HACE1: variants seen among roughly 807,000 people sequenced by gnomAD.
The protein encoded by HACE1 is HECT domain and ankyrin repeat containing E3 ubiquitin protein ligase 1, also known as E3 ubiquitin-protein ligase HACE1.
In HACE1, 73 loss-of-function variants were observed where a neutral mutation model predicts 118.4. The ratio of observed to expected loss-of-function variants is 0.62; its 90% confidence interval spans 0.51 to 0.75. The LOEUF (loss-of-function observed/expected upper bound fraction) is 0.75, where lower values mean the gene tolerates loss of function less well. Among genes scored for constraint, HACE1 ranks in the 30% least tolerant of loss-of-function variants. HACE1 has a pLI of 0.00. For missense variants in HACE1, 749 were observed against 1,102.2 expected, an observed-to-expected ratio of 0.68 and a Z score of 4.54; for synonymous variants, 368 against 374.8, an observed-to-expected ratio of 0.98 and a Z score of 0.21.
chr6:104,739,277 G>A (rs1268181528), intron 22 of HACE1, among the ~76,000 whole-genome samples: 1 of 152,070 alleles, frequency 6.6e-6, no homozygotes, highest in African/African-American at 2.4e-5. Context: ...AAAATAACCA[G>A]CTAACATCAT....
chr6:104,801,110 GAT>G, intron 7 of HACE1, among the ~76,000 whole-genome samples: 1 of 152,208 alleles, frequency 6.6e-6, no homozygotes, highest in Non-Finnish European at 1.5e-5. Flanking sequence ...TGGAAGAAAG[GAT>G]ATCAGTGATT....
intron 19 of HACE1, among the ~76,000 whole-genome samples, chr6:104,770,476 T>C (rs1304783767): frequency 6.6e-6 from 1 of 152,162 alleles, no homozygotes; most frequent in Non-Finnish European, 1.5e-5. Context: ...CCCAGCACTT[T>C]GGGAGGCCGA....
intron 19 of HACE1, among the ~76,000 whole-genome samples, chr6:104,760,215 T>C (rs1272634386): frequency 6.6e-6 from 1 of 152,216 alleles, no homozygotes; most frequent in Non-Finnish European, 1.5e-5. Flanking sequence ...AACATCATCC[T>C]GATACCAAAG....
chr6:104,818,363 G>A lies in HACE1; in HGVS notation c.535-6970C>T, dbSNP rs73513936. 7.8e-3 allele frequency among the ~76,000 whole-genome samples: 1,193 copies of A among 152,044 alleles called. 13 individuals are homozygous for A. Among genetic ancestry groups the A allele is most frequent in the African/African-American group, 0.027 (1,121 of 41,478 alleles). On this transcript the variant is annotated intron_variant, in intron 6 of 23. Transcript: ENST00000262903. ...TAGGAATGAGATGGAAAGTAGCAAC[G>A]GTGTTCACTACTGTTATAGAAATTA...
intron 5 of HACE1, among the ~76,000 whole-genome samples, chr6:104,834,733 A>T (rs540132935): frequency 6.6e-6 from 1 of 152,368 alleles, no homozygotes; most frequent in African/African-American, 2.4e-5. Flanking sequence ...ATGCTACACC[A>T]GTATTAGAGA....
chr6:104,749,397 T>C (rs1777797087), intron 20 of HACE1, among the ~76,000 whole-genome samples: 3 of 152,132 alleles, frequency 2.0e-5, no homozygotes, highest in Admixed American at 1.3e-4. Context: ...CACAATGGAC[T>C]TCAAAATTAA....
Position 104,767,892 on chromosome 6 carries a change from C to T in HACE1, c.2211+3301G>A, listed in dbSNP as rs546583365. The stretch of plus-strand genomic sequence containing the variant: ...ATTCCCTGATACCTGCCCCATCTTA[C>T]TCTTATCTTCTTTTTTTTCTCCAAG... On this transcript the variant is annotated intron_variant, in intron 19 of 23. Transcript: ENST00000262903. Among the ~76,000 whole-genome samples, 8 of 152,226 alleles carry T rather than the reference C, an allele frequency of 5.3e-5. No homozygotes were observed. The South Asian group carries it at 1.2e-3, about 24-fold the overall frequency.
intron 23 of HACE1, 107 bp downstream of exon 23, chr6:104,730,196 G>C: frequency 1.4e-6 from 1 of 721,358 alleles, no homozygotes; most frequent in African/African-American, 1.7e-5. Flanking sequence ...CCTGGAGAGA[G>C]ATCACAGCTG....
chr6:104,821,318 G>T (rs1166805690), intron 6 of HACE1, among the ~76,000 whole-genome samples: 1 of 151,916 alleles, frequency 6.6e-6, no homozygotes, highest in Non-Finnish European at 1.5e-5. Flanking sequence ...ACCTGTATTT[G>T]TACCCCTGAA....
At chr6:104,755,314 C>A (rs1330054177) in intron 19 of HACE1, among the ~76,000 whole-genome samples, 3 of 152,112 alleles carry the variant, frequency 2.0e-5, no homozygotes, top group Non-Finnish European at 2.9e-5. Context: ...GACTGAGACT[C>A]CCACACAATA....
At chr6:104,858,565 A>C (rs1419250317) in intron 1 of HACE1, 2 of 335,824 alleles carry the variant, frequency 6.0e-6, no homozygotes, top group Non-Finnish European at 1.2e-5. Context: ...TTATCGCCAA[A>C]GTACCCAATC....
At chr6:104,760,046 G>A (rs937821809) in intron 19 of HACE1, among the ~76,000 whole-genome samples, 3 of 152,136 alleles carry the variant, frequency 2.0e-5, no homozygotes, top group African/African-American at 7.2e-5. Flanking sequence ...CTGAAATTGA[G>A]GCAATAATTA....
At chr6:104,786,883 T>G (rs1482668509) in intron 11 of HACE1, 4 of 152,054 alleles carry the variant, frequency 2.6e-5, no homozygotes, top group Non-Finnish European at 5.9e-5. Flanking sequence ...AGGAAAGAAA[T>G]AATCTTTCTT....
rs1309339871 is a variant in HACE1, at chr6:104,796,985, C to G, written c.658G>C (p.Gly220Arg). The change falls in exon 8 of 24, where the codon GGA becomes CGA. Residue 220 changes from glycine (G) to arginine (R), a missense_variant. By Grantham distance (125) the Gly-to-Arg change is moderately radical. Around this residue, in one of 5 missense-constraint regions of HACE1, gnomAD observed 267 missense variants for 312.2 expected, o/e 0.86. Transcript: ENST00000262903. ...RDTAQILLLR[G>R]AKYLPDKNGV... ...TTTTTATCTGGCAGATATTTGGCTC[C>G]TCGTAATAGTAGGATCTGTGCTGTA... 1 of 1,602,862 alleles carries G rather than the reference C, an allele frequency of 6.2e-7. No homozygotes were observed. The highest frequency in any genetic ancestry group is 8.5e-7 in the Non-Finnish European group (1 of 1,170,128).
intron 18 of HACE1, 143 bp downstream of exon 18, chr6:104,771,782 C>T (rs928468341): frequency 3.6e-6 from 2 of 557,168 alleles, no homozygotes; most frequent in African/African-American, 2.0e-5. Flanking sequence ...CTCCTTCAAA[C>T]CCCGAATGGC....
At chr6:104,766,122 T>C (rs546498017) in intron 19 of HACE1, among the ~76,000 whole-genome samples, 2 of 152,308 alleles carry the variant, frequency 1.3e-5, no homozygotes, top group South Asian at 2.1e-4. Context: ...ACATGAGTAA[T>C]GCACAAATGC....
intron 7 of HACE1, among the ~76,000 whole-genome samples, chr6:104,803,843 T>C (rs888750623): frequency 3.3e-5 from 5 of 152,166 alleles, no homozygotes; most frequent in Admixed American, 1.3e-4. Flanking sequence ...CTATTCAATG[T>C]AGTGTTGGAA....
intron 4 of HACE1, among the ~76,000 whole-genome samples, chr6:104,846,499 C>T (rs1430970017): frequency 6.6e-6 from 1 of 152,234 alleles, no homozygotes; most frequent in African/African-American, 2.4e-5. Flanking sequence ...CCAAATTACA[C>T]AGGGACCAGT....
intron 4 of HACE1, among the ~76,000 whole-genome samples, chr6:104,843,523 C>G (rs1242305433): frequency 6.6e-6 from 1 of 152,176 alleles, no homozygotes; most frequent in Non-Finnish European, 1.5e-5. Flanking sequence ...ATGACACAGT[C>G]AGGTTTTCAT....
Sources: gnomAD v4.1 joint callset for allele counts (sites outside exome capture counted in the v4.1 genomes callset) on GRCh38, gnomAD v4.1.1 for gene constraint, gnomAD v4.1.1 regional missense constraint, MANE v1.5 for transcripts, NCBI Gene and HGNC (gene_info 2026-07-23, HGNC 2026-07-21) for gene names.